MYT1L: variants seen among roughly 807,000 people sequenced by gnomAD.
MYT1L encodes the protein myelin transcription factor 1 like.
MYT1L carries 12 observed loss-of-function variants against 126.7 expected under a neutral mutation model. That is an observed-to-expected ratio of 0.09 (90% confidence interval 0.06 to 0.15). The LOEUF is 0.15. Among genes scored for constraint, MYT1L ranks in the 10% least tolerant of loss-of-function variants. The probability of loss-of-function intolerance (pLI) is 1.00; values close to 1 mark genes in which losing one functional copy is unlikely to be tolerated. For missense variants in MYT1L, 979 were observed against 1,585.2 expected, an observed-to-expected ratio of 0.62 and a Z score of 6.49; for synonymous variants, 541 against 604.2, an observed-to-expected ratio of 0.90 and a Z score of 1.53.
chr2:2,084,984 C>T (rs1295380113), intron 3 of MYT1L, among the ~76,000 whole-genome samples: 1 of 152,122 alleles, frequency 6.6e-6, no homozygotes, highest in Non-Finnish European at 1.5e-5. Context: ...GGCCAGCCCT[C>T]CTCACCCTCC....
chr2:2,039,664 T>C (rs186284719), intron 4 of MYT1L, among the ~76,000 whole-genome samples: 3 of 152,322 alleles, frequency 2.0e-5, no homozygotes, highest in Admixed American at 2.0e-4. Context: ...TAGACAACTT[T>C]AACAGAAGAC....
intron 4 of MYT1L, among the ~76,000 whole-genome samples, chr2:2,012,802 G>C (rs1012715509): frequency 6.6e-6 from 1 of 152,158 alleles, no homozygotes; most frequent in African/African-American, 2.4e-5. Context: ...TCAGTCATGA[G>C]AGCCACCGCT....
chr2:1,958,785 T>C (rs2058724520), intron 8 of MYT1L, among the ~76,000 whole-genome samples: 1 of 150,920 alleles, frequency 6.6e-6, no homozygotes, highest in South Asian at 2.1e-4. Flanking sequence ...TAGGATTCTC[T>C]GGCCCAACCG....
intron 8 of MYT1L, among the ~76,000 whole-genome samples, chr2:1,950,443 G>A (rs536498530): frequency 6.6e-6 from 1 of 152,292 alleles, no homozygotes; most frequent in Admixed American, 6.5e-5. Flanking sequence ...ATGGGACACC[G>A]AGACACAGTT....
intron 11 of MYT1L, among the ~76,000 whole-genome samples, chr2:1,914,783 T>C (rs1429682334): frequency 6.6e-6 from 1 of 152,254 alleles, no homozygotes; most frequent in Admixed American, 6.5e-5. Flanking sequence ...CTCCACAGCC[T>C]GCCCGCCTAT....
chr2:1,832,639 T>C (rs561738065), intron 21 of MYT1L, among the ~76,000 whole-genome samples: 1 of 152,296 alleles, frequency 6.6e-6, no homozygotes, highest in African/African-American at 2.4e-5. Flanking sequence ...TGCCTGCCCG[T>C]CCATTCCAGC....
rs534732076 is a variant in MYT1L, at chr2:2,264,305, C to G, written c.-421+20099G>C. The stretch of plus-strand genomic sequence containing the variant: ...CAGCCCAGCGTGGAACCCTAAGAGG[C>G]CCTGGGTCTGATGCCTTTTTCTTTA... On this transcript the variant is annotated intron_variant, in intron 2 of 24. Transcript: ENST00000647738. Among the ~76,000 whole-genome samples the G allele has an allele frequency of 5.0e-4, 76 of 152,196 alleles. No individual in the cohort carries two copies. In the Middle Eastern group the frequency reaches 0.02, roughly 41 times the overall value.
intron 2 of MYT1L, among the ~76,000 whole-genome samples, chr2:2,202,569 C>A (rs2093129935): frequency 6.6e-6 from 1 of 152,096 alleles, no homozygotes; most frequent in Non-Finnish European, 1.5e-5. Context: ...AAGACTAAAC[C>A]AGGAAGAAGT....
chr2:1,957,278 A>T (rs1406042846), intron 8 of MYT1L, among the ~76,000 whole-genome samples: 2 of 152,130 alleles, frequency 1.3e-5, no homozygotes, highest in Non-Finnish European at 2.9e-5. Context: ...GTTTAAAAAA[A>T]TTTTCAATAG....
intron 4 of MYT1L, among the ~76,000 whole-genome samples, chr2:2,028,244 T>C (rs1469182506): frequency 6.6e-6 from 1 of 152,240 alleles, no homozygotes; most frequent in African/African-American, 2.4e-5. Flanking sequence ...AGTGAGCACA[T>C]GCTCGTAGCC....
chr2:1,839,091 G>T, intron 21 of MYT1L, 58 bp downstream of exon 21: 1 of 1,467,710 alleles, frequency 6.8e-7, no homozygotes, highest in Non-Finnish European at 9.2e-7. Context: ...AACCAGCCGT[G>T]CCAGTCGGCT....
chr2:2,201,697 C>CAA (rs34259469), intron 2 of MYT1L, among the ~76,000 whole-genome samples: 3,899 of 130,708 alleles, frequency 0.03, 77 homozygotes, highest in Non-Finnish European at 0.046. Flanking sequence ...GACTCTGCCT[C>CAA]AAAAAAAAAA....
At chr2:2,274,429 T>C (rs898068468) in intron 2 of MYT1L, among the ~76,000 whole-genome samples, 12 of 152,076 alleles carry the variant, frequency 7.9e-5, no homozygotes, top group African/African-American at 2.9e-4. Flanking sequence ...CAAATGTCAT[T>C]GGAATTTACT....
chr2:2,227,569 C>T (rs745538865), intron 2 of MYT1L, among the ~76,000 whole-genome samples: 2 of 152,206 alleles, frequency 1.3e-5, no homozygotes, highest in Admixed American at 6.5e-5. Flanking sequence ...CCCTGCACTG[C>T]TCCTGTCCTG....
At chr2:2,077,241 G>C (rs1477675440) in intron 3 of MYT1L, among the ~76,000 whole-genome samples, 1 of 152,114 alleles carries the variant, frequency 6.6e-6, no homozygotes, top group African/African-American at 2.4e-5. Context: ...CAGAATGAGA[G>C]ATTCAGAAGA....
chr2:2,073,880 G>A (rs981587356), intron 3 of MYT1L, among the ~76,000 whole-genome samples: 1 of 152,206 alleles, frequency 6.6e-6, no homozygotes, highest in East Asian at 1.9e-4. Context: ...TGGGCTGCAG[G>A]CAAGAGCTTC....
intron 4 of MYT1L, among the ~76,000 whole-genome samples, chr2:2,021,561 T>G (rs1353138443): frequency 2.0e-5 from 3 of 152,112 alleles, no homozygotes; most frequent in Admixed American, 2.0e-4. Flanking sequence ...CTTAAGAAAC[T>G]TAGAGGACAA....
chr2:2,051,139 G>A (rs948351175), intron 4 of MYT1L, among the ~76,000 whole-genome samples: 11 of 152,114 alleles, frequency 7.2e-5, no homozygotes, highest in African/African-American at 2.2e-4. Flanking sequence ...CAGTACCCAT[G>A]CTCATTTTAT....
intron 3 of MYT1L, among the ~76,000 whole-genome samples, chr2:2,086,508 T>C (rs1614012): frequency 0.48 from 72,335 of 152,006 alleles, 20,071 homozygotes; most frequent in African/African-American, 0.78. Context: ...ACCCATTTGT[T>C]CTACCATTTT....
Sources: allele counts gnomAD v4.1 joint callset (sites outside exome capture counted in the v4.1 genomes callset), GRCh38; gene constraint gnomAD v4.1.1; transcripts MANE v1.5; gene names NCBI Gene and HGNC (gene_info 2026-07-23, HGNC 2026-07-21).